The following PAK1 variants were observed in gnomAD, a reference collection of about 807,000 sequenced individuals.
PAK1 encodes the protein p21 (RAC1) activated kinase 1.
Under a neutral mutation model 67.4 loss-of-function variants are expected in PAK1, and 29 were observed. That is an observed-to-expected ratio of 0.43 (90% CI 0.32 to 0.59). The LOEUF is 0.59. Ranked by LOEUF, PAK1 falls within the 20% of genes least tolerant of loss-of-function variation. The pLI, the probability that PAK1 is intolerant of heterozygous loss-of-function variation, is 0.07. For synonymous variants in PAK1, 223 were observed against 237.4 expected (o/e 0.94, Z 0.56); for missense variants, 337 against 670.7 (o/e 0.50, Z 5.50).
At chr11:77,453,519 A>T (rs1394508038) in intron 1 of PAK1, among the ~76,000 whole-genome samples, 1 of 150,914 alleles carries the variant, frequency 6.6e-6, no homozygotes, top group Non-Finnish European at 1.5e-5. Flanking sequence ...GATATATTAA[A>T]AAAAAAAAAA....
At chr11:77,332,680 T>C in intron 14 of PAK1, 50 bp downstream of exon 14, 2 of 1,532,630 alleles carry the variant, frequency 1.3e-6, no homozygotes, top group East Asian at 2.3e-5. Context: ...AAAAAAGGCC[T>C]GGTTTAGTGA....
intron 1 of PAK1, among the ~76,000 whole-genome samples, chr11:77,438,823 C>T (rs191937592): frequency 1.3e-5 from 2 of 152,236 alleles, no homozygotes; most frequent in Admixed American, 1.3e-4. Flanking sequence ...TTAAAATAGA[C>T]TATATGATCA....
At chr11:77,363,481 C>T (rs547707356) in intron 5 of PAK1, among the ~76,000 whole-genome samples, 5 of 152,122 alleles carry the variant, frequency 3.3e-5, no homozygotes, top group Admixed American at 2.6e-4. Flanking sequence ...GAAAATAAAC[C>T]GTATCAGGAT....
the PAK1 span, among the ~76,000 whole-genome samples, chr11:77,485,439 A>G: frequency 0.052 from 7,937 of 152,162 alleles, 288 homozygotes; most frequent in Non-Finnish European, 0.083. Context: ...TCATAAATGT[A>G]TATACCTACT....
chr11:77,394,201 A>G (rs1447393124), intron 1 of PAK1, among the ~76,000 whole-genome samples: 1 of 152,188 alleles, frequency 6.6e-6, no homozygotes, highest in Non-Finnish European at 1.5e-5. Flanking sequence ...AGCTCTTTGG[A>G]GTTAAACACA....
intron 14 of PAK1, among the ~76,000 whole-genome samples, chr11:77,324,073 C>T (rs1186621539): frequency 6.6e-6 from 1 of 151,858 alleles, no homozygotes; most frequent in Admixed American, 6.6e-5. Context: ...CTGGGCTGTA[C>T]TTTGGGCCAT....
chr11:77,505,161 T>C, the PAK1 span, among the ~76,000 whole-genome samples: 4 of 152,078 alleles, frequency 2.6e-5, no homozygotes, highest in Admixed American at 1.3e-4. Context: ...ACTTTCACAG[T>C]GTTGTGCAAC....
At chr11:77,472,077 G>A (rs1321295408) in intron 1 of PAK1, among the ~76,000 whole-genome samples, 1 of 152,150 alleles carries the variant, frequency 6.6e-6, no homozygotes, top group Admixed American at 6.5e-5. Context: ...TTTGAAGACA[G>A]GGAATATCTT....
chr11:77,373,329 G>A (rs1197684911), intron 5 of PAK1, among the ~76,000 whole-genome samples: 2 of 152,010 alleles, frequency 1.3e-5, no homozygotes, highest in Non-Finnish European at 2.9e-5. Context: ...GAAGCCAGGA[G>A]TTTGAGAACA....
intron 2 of PAK1, among the ~76,000 whole-genome samples, chr11:77,381,903 A>G (rs1301916526): frequency 6.6e-6 from 1 of 152,176 alleles, no homozygotes; most frequent in Non-Finnish European, 1.5e-5. Context: ...CTGCTTTGAG[A>G]AAGAGAAGGC....
intron 14 of PAK1, 128 bp from the exon 15 acceptor site, chr11:77,323,488 T>C (rs183541510): frequency 2.9e-6 from 2 of 686,626 alleles, no homozygotes; most frequent in African/African-American, 1.8e-5. Flanking sequence ...CATCCCCAAA[T>C]TGAAGGACAT....
chr11:77,376,945 A>T (rs937006803), intron 4 of PAK1, among the ~76,000 whole-genome samples: 12 of 152,096 alleles, frequency 7.9e-5, no homozygotes, highest in Non-Finnish European at 1.8e-4. Context: ...TAAAATGAGC[A>T]TAATAGTCCT....
the PAK1 span, among the ~76,000 whole-genome samples, chr11:77,501,238 G>A: frequency 3.3e-5 from 5 of 152,162 alleles, no homozygotes; most frequent in African/African-American, 1.2e-4. Context: ...GCAATGTGGA[G>A]GATGAAGGGG....
At chr11:77,501,590 C>A in the PAK1 span, among the ~76,000 whole-genome samples, 1 of 152,212 alleles carries the variant, frequency 6.6e-6, no homozygotes, top group African/African-American at 2.4e-5. Flanking sequence ...CATCCCACCT[C>A]TCTGGTCACA....
At chr11:77,526,929 A>G in the PAK1 span, among the ~76,000 whole-genome samples, 9 of 151,380 alleles carry the variant, frequency 5.9e-5, no homozygotes, top group East Asian at 7.8e-4. Context: ...AAAAAAAAAA[A>G]GGGCTGGAAA....
the PAK1 span, among the ~76,000 whole-genome samples, chr11:77,523,857 T>C: frequency 6.6e-6 from 1 of 152,212 alleles, no homozygotes; most frequent in Non-Finnish European, 1.5e-5. Context: ...GAAGCTCCAG[T>C]TTCTCAGTGT....
chr11:77,501,019 C>A, the PAK1 span, among the ~76,000 whole-genome samples: 1 of 151,238 alleles, frequency 6.6e-6, no homozygotes, highest in Admixed American at 6.6e-5. Context: ...GGCGTGGTGG[C>A]AGGCGCCTGT....
chr11:77,504,123 C>T, the PAK1 span, among the ~76,000 whole-genome samples: 5 of 152,180 alleles, frequency 3.3e-5, 1 homozygote, highest in Non-Finnish European at 4.4e-5. Flanking sequence ...AAACTCCTGA[C>T]CTCAAGTGAT....
At chr11:77,500,398 C>T in the PAK1 span, among the ~76,000 whole-genome samples, 125 of 151,198 alleles carry the variant, frequency 8.3e-4, 1 homozygote, top group South Asian at 3.1e-3. Flanking sequence ...ACCCAGGCAG[C>T]GAAGGTTGCA....
Sources: allele counts gnomAD v4.1 joint callset (sites outside exome capture counted in the v4.1 genomes callset), GRCh38; gene constraint gnomAD v4.1.1; transcripts MANE v1.5; gene names NCBI Gene and HGNC (gene_info 2026-07-23, HGNC 2026-07-21).